METTL23: variants seen among roughly 807,000 people sequenced by gnomAD.
METTL23 encodes the protein histone-arginine methyltransferase METTL23.
A neutral mutation model predicts 21.2 loss-of-function variants in METTL23; 24 were observed. The ratio of observed to expected loss-of-function variants is 1.13; its 90% CI spans 0.82 to 1.59. The LOEUF is 1.59. METTL23 is among the 40% of genes most tolerant of loss of function. The pLI, the probability that METTL23 is intolerant of heterozygous loss-of-function variation, is 0.00. For synonymous variants in METTL23, 97 were observed against 75.2 expected, an observed-to-expected ratio of 1.29 and a Z score of -1.50; for missense variants, 276 against 221.4, an observed-to-expected ratio of 1.25 and a Z score of -1.57.
chr17:76,729,563 G>A, intron 1 of METTL23, 127 bp from the exon 2 acceptor site: 1 of 640,392 alleles, frequency 1.6e-6, no homozygotes, highest in South Asian at 1.9e-5. Context: ...ATCCCCAAAG[G>A]TCGTGGATTG....
At chr17:76,726,586 T>C, upstream of METTL23, 1 of 1,394,068 alleles carries the variant, frequency 7.2e-7, no homozygotes, top group Non-Finnish European at 9.5e-7. Context: ...CAAACGCCCT[T>C]CGCTCAGTCC....
intron 2 of METTL23, among the ~76,000 whole-genome samples, chr17:76,731,858 C>G (rs1279773478): frequency 6.6e-6 from 1 of 152,214 alleles, no homozygotes; most frequent in Non-Finnish European, 1.5e-5. Context: ...ATAATTCTAT[C>G]TCTGTGTCCT....
intron 2 of METTL23, among the ~76,000 whole-genome samples, chr17:76,730,617 T>G (rs1375085272): frequency 6.6e-6 from 1 of 152,258 alleles, no homozygotes; most frequent in East Asian, 1.9e-4. Flanking sequence ...GCAGCCTTTT[T>G]ATATTCAGGT....
intron 2 of METTL23, 44 bp downstream of exon 2, chr17:76,729,838 G>C (rs1241954926): frequency 7.1e-7 from 1 of 1,415,220 alleles, no homozygotes; most frequent in Non-Finnish European, 9.8e-7. Flanking sequence ...GTTATGTTCA[G>C]ATGTGTTAAG....
In METTL23 at chr17:76,727,026, C is replaced by G. The variant is rs1311979302; in HGVS notation, c.-174C>G. ...CTCGCGCAGTCTGGCAGCCCGGAGCCTTCCGCGGTCCCCCGCCCGCCCGGG... is the reference window on the plus strand; with the variant it reads ...CTCGCGCAGTCTGGCAGCCCGGAGCGTTCCGCGGTCCCCCGCCCGCCCGGG... On this transcript the variant is annotated 5_prime_UTR_variant, in exon 1 of 5. Coordinates refer to ENST00000341249, the MANE Select transcript of METTL23 (RefSeq NM_001080510.5). 1 of 455,288 alleles carries G rather than the reference C, an allele frequency of 2.2e-6. No homozygotes were observed. The highest frequency in any genetic ancestry group is 1.6e-5 in the South Asian group (1 of 64,494). 28.2% of individuals were successfully genotyped at this position (455,288 alleles called of 1,614,324 possible). A position where few individuals can be genotyped will look rare whatever the true frequency, so the allele number is the denominator to read the frequency against.
In METTL23 at chr17:76,729,661, T is replaced by G. The variant is rs1218150645; in HGVS notation, c.-21-29T>G. 5 of 1,440,344 alleles carry G rather than the reference T, an allele frequency of 3.5e-6. No individual in the cohort carries two copies. The South Asian group carries it at 6.2e-5, about 18-fold the overall frequency. The allele number at this position is 1,440,344 out of a possible 1,614,324, so 89.2% of individuals were successfully genotyped here. A position where few individuals can be genotyped will look rare whatever the true frequency, so the allele number is the denominator to read the frequency against. On this transcript the variant is annotated intron_variant, in intron 1 of 4. Coordinates refer to ENST00000341249, the MANE Select transcript of METTL23 (RefSeq NM_001080510.5). ...ATTCCAACTTCCAGCAGCTAAATTA[T>G]TTATGGCACACAAAAACATTCTTTT...
intron 2 of METTL23, 181 bp from the exon 3 acceptor site, chr17:76,732,797 A>G: frequency 3.3e-6 from 2 of 613,686 alleles, no homozygotes; most frequent in Non-Finnish European, 5.7e-6. Context: ...GTAGATTCAT[A>G]AGGAATGTAC....
At chr17:76,732,507 A>C (rs1457751343) in intron 2 of METTL23, 1 of 170,848 alleles carries the variant, frequency 5.9e-6, no homozygotes, top group Non-Finnish European at 1.3e-5. Flanking sequence ...AAAAAAAAAA[A>C]ATTAGCTGGG....
At chr17:76,731,660 A>G (rs1014257156) in intron 2 of METTL23, among the ~76,000 whole-genome samples, 4 of 152,342 alleles carry the variant, frequency 2.6e-5, no homozygotes, top group Admixed American at 2.0e-4. Context: ...GAAGGCTTGG[A>G]AAAACCAATT....
At chr17:76,726,715 T>G (rs2076948820), upstream of METTL23, 3 of 544,020 alleles carry the variant, frequency 5.5e-6, no homozygotes, top group South Asian at 6.3e-5. Context: ...TCCATTGGCT[T>G]TGGCTCCCCT....
Position 76,733,008 on chromosome 17 carries a change from T to C in METTL23, c.115T>C (p.Leu39=), listed in dbSNP as rs773551340. The C allele has an allele frequency of 1.1e-5, 18 of 1,587,440 alleles. No homozygotes were observed. Among genetic ancestry groups the C allele is most frequent in the Non-Finnish European group, 1.5e-5 (18 of 1,165,682 alleles). Residue 39 remains leucine (L), a synonymous_variant, in exon 3 of 5, where the codon TTG becomes CTG. Transcript: ENST00000341249. The part of the protein sequence containing the change: ...IGAGVSLPGI[L]AAKCGAEVIL... ...AGCTGGAGTGAGCCTTCCAGGAATT[T>C]TGGCTGCCAAATGTGGTGCAGAAGT...
chr17:76,730,288 CA>C lies in METTL23; in HGVS notation c.84+508del, dbSNP rs545846283. Among the ~76,000 whole-genome samples, 414 of 130,702 alleles carry C rather than the reference CA, an allele frequency of 3.2e-3. 3 individuals carry two copies. Among genetic ancestry groups the C allele is most frequent in the Admixed American group, 0.015 (189 of 12,772 alleles). The allele number at this position is 130,702 out of a possible 152,430, so 85.7% of individuals were successfully genotyped here. On this transcript the variant is annotated intron_variant, in intron 2 of 4. Transcript: ENST00000341249. ...TGGGCAACAGAGCGAGACTCCATCT[CA>C]AAAAAAAAAAAAAGTGGTTTTTTAA...
Position 76,727,091 on chromosome 17 carries a change from A to C in METTL23, c.-109A>C. On this transcript the variant is annotated 5_prime_UTR_variant, in exon 1 of 5. Coordinates refer to ENST00000341249, the MANE Select transcript of METTL23 (RefSeq NM_001080510.5). ...TACTGGGCGAGCACGATTTCCGAGG[A>C]CAGGGGGTCCGGGCCCAGCGCTTTC... is the stretch of plus-strand genomic sequence containing the variant. 1 of 453,826 alleles carries C rather than the reference A, an allele frequency of 2.2e-6. No individual in the cohort carries two copies. 28.1% of individuals were successfully genotyped at this position (453,826 alleles called of 1,614,324 possible). A position where few individuals can be genotyped will look rare whatever the true frequency, so the allele number is the denominator to read the frequency against.
At chr17:76,733,444 C>T (rs749199213) in intron 4 of METTL23, 67 bp downstream of exon 4, 2 of 1,596,652 alleles carry the variant, frequency 1.3e-6, no homozygotes, top group Non-Finnish European at 1.7e-6. Context: ...CCATGCGATA[C>T]ATAATTTAAG....
upstream of METTL23, among the ~76,000 whole-genome samples, chr17:76,726,059 T>C (rs2143755952): frequency 6.6e-6 from 1 of 152,254 alleles, no homozygotes; most frequent in Non-Finnish European, 1.5e-5. Flanking sequence ...CCAGGTCCCC[T>C]AGGGGACCCG....
Position 76,733,725 on chromosome 17 carries a change from GATGAGCAACCTGGCACACAAACT to G in METTL23, c.*47_*69del, listed in dbSNP as rs1223481718. ...CCTGTTCTGGGACAGTATCAATACTGATGAGCAACCTGGCACACAAACTATGAGCAGACCACTTCAGCTTGAGA... is the reference window on the plus strand; with the variant it reads ...CCTGTTCTGGGACAGTATCAATACTGATGAGCAGACCACTTCAGCTTGAGA... On this transcript the variant is annotated 3_prime_UTR_variant, in exon 5 of 5. Transcript: ENST00000341249. 1.9e-6 allele frequency: 3 copies of G among 1,557,252 alleles called. No homozygotes were observed. The highest frequency in any genetic ancestry group is 1.4e-5 in the African/African-American group (1 of 73,248).
rs1352961694 is a variant in METTL23 at position 76,733,524 on chromosome 17, T to C, written c.411T>C (p.Ala137=). The change falls in exon 5 of 5, where the codon GCT becomes GCC. Residue 137 remains alanine, a synonymous_variant. Coordinates refer to ENST00000341249, the MANE Select transcript of METTL23 (RefSeq NM_001080510.5). ...AGAACAACTTTTTTTTTTTAAGTGC[T>C]GACTGGTCACTTGAAGCTTTACTCT... ...QLWSTYQVRS[A]DWSLEALLYK... 2 of 1,608,856 alleles carry C rather than the reference T, an allele frequency of 1.2e-6. No homozygotes were observed. Among genetic ancestry groups the C allele is most frequent in the Non-Finnish European group, 1.7e-6 (2 of 1,178,204 alleles).
In METTL23 at chr17:76,733,531, T is replaced by A. The variant is rs1196911228; in HGVS notation, c.418T>A (p.Ser140Thr). The A allele has an allele frequency of 2.5e-6, 4 of 1,608,974 alleles. No homozygotes were observed. In the South Asian group the frequency reaches 4.5e-5, roughly 18 times the overall value. ...CTTTTTTTTTTTAAGTGCTGACTGG[T>A]CACTTGAAGCTTTACTCTACAAATG... ...STYQVRSADWSLEALLYKWDM... is the reference protein window; with the variant it reads ...STYQVRSADWTLEALLYKWDM... The change falls in exon 5 of 5, where the codon TCA (serine) becomes ACA (threonine). Residue 140 changes from serine to threonine, a missense_variant. Physicochemically the swap from Ser to Thr is moderately conservative, Grantham distance 58 (BLOSUM62 1). Coordinates refer to ENST00000341249, the MANE Select transcript of METTL23 (RefSeq NM_001080510.5).
intron 1 of METTL23, among the ~76,000 whole-genome samples, chr17:76,728,707 G>T (rs891773049): frequency 6.6e-6 from 1 of 151,712 alleles, no homozygotes; most frequent in Admixed American, 6.6e-5. Flanking sequence ...CACCGCTCCC[G>T]GCTGGCTTCA....
Sources: gnomAD v4.1 joint callset for allele counts (sites outside exome capture counted in the v4.1 genomes callset) on GRCh38, gnomAD v4.1.1 for gene constraint, MANE v1.5 for transcripts, NCBI Gene and HGNC (gene_info 2026-07-23, HGNC 2026-07-21) for gene names.